The following ABCB5 variants were observed in gnomAD, a reference collection of about 807,000 sequenced individuals.
The protein encoded by ABCB5 is ATP-binding cassette sub-family B member 5.
Under a neutral mutation model 144.2 loss-of-function variants are expected in ABCB5, and 155 were observed. The observed-to-expected ratio is 1.08, with a 90% CI of 0.94 to 1.23. The LOEUF (loss-of-function observed/expected upper bound fraction) is 1.23, where lower values mean the gene tolerates loss of function less well. ABCB5 is among the 50% of genes most tolerant of loss of function. The probability of loss-of-function intolerance (pLI) is 0.00; values close to 1 mark genes in which losing one functional copy is unlikely to be tolerated. For synonymous variants in ABCB5, 610 were observed against 528.6 expected (o/e 1.15, Z -2.11); for missense variants, 1,830 against 1,520.8 (o/e 1.20, Z -3.38).
intron 14 of ABCB5, among the ~76,000 whole-genome samples, chr7:20,666,397 T>A (rs1021813175): frequency 6.6e-6 from 1 of 152,192 alleles, no homozygotes; most frequent in African/African-American, 2.4e-5. Context: ...TCTCAAATGC[T>A]TGAGGCTTTG....
chr7:20,703,316 A>G (rs920322215), intron 19 of ABCB5, among the ~76,000 whole-genome samples: 2 of 152,204 alleles, frequency 1.3e-5, no homozygotes, highest in African/African-American at 2.4e-5. Context: ...GCTGCTGTGT[A>G]TTCACAGTAT....
At chr7:20,705,316 T>C (rs1786785467) in intron 20 of ABCB5, among the ~76,000 whole-genome samples, 1 of 152,186 alleles carries the variant, frequency 6.6e-6, no homozygotes, top group African/African-American at 2.4e-5. Flanking sequence ...AACCAAGATA[T>C]TTGTATATAT....
intron 1 of ABCB5, among the ~76,000 whole-genome samples, chr7:20,616,745 T>C (rs1200182435): frequency 6.6e-6 from 1 of 152,136 alleles, no homozygotes; most frequent in Non-Finnish European, 1.5e-5. Flanking sequence ...CTTGACAAGT[T>C]TCAAGTTAAA....
rs1783967940 is a variant in ABCB5 at position 20,628,834 on chromosome 7, C to T, written c.255C>T (p.Asn85=). The change falls in exon 4 of 28, where the codon AAC becomes AAT. Residue 85 remains asparagine, a synonymous_variant. Transcript: ENST00000404938. ...TTAGTGGATGTCTAGTCCAAACTAA[C>T]ACAAGTGAGTATACGATTATTTTTC... ...NLISGCLVQT[N]TTNYQNCTQS... is the part of the protein sequence containing the mutation. The T allele has an allele frequency of 1.2e-6, 2 of 1,613,476 alleles. No homozygotes were observed. The highest frequency in any genetic ancestry group is 1.7e-6 in the Non-Finnish European group (2 of 1,179,730).
chr7:20,700,002 A>C, intron 18 of ABCB5, 56 bp from the exon 19 acceptor site: 1 of 1,598,370 alleles, frequency 6.3e-7, no homozygotes, highest in Non-Finnish European at 8.6e-7. Context: ...TTAAAAATAT[A>C]TCAACTAAAT....
intron 13 of ABCB5, among the ~76,000 whole-genome samples, chr7:20,651,877 A>T (rs1249099219): frequency 6.6e-6 from 1 of 151,998 alleles, no homozygotes; most frequent in Admixed American, 6.6e-5. Flanking sequence ...TGTTAATTTT[A>T]GTGTATTTAA....
rs768395006 is a variant in ABCB5 at position 20,651,520 on chromosome 7, T to G, written c.1433T>G (p.Ile478Ser). ...GAGCCTGTTTTGTTCGGGACCACCA[T>G]CAGTAACAATATCAAGTATGGACGA... ...SQEPVLFGTT[I>S]SNNIKYGRDD... is the part of the protein sequence containing the mutation. The change falls in exon 13 of 28, where the codon ATC becomes AGC. Residue 478 changes from isoleucine to serine, a missense_variant. Transcript: ENST00000404938. 1 of 1,614,094 alleles carries G rather than the reference T, an allele frequency of 6.2e-7. No homozygotes were observed. Among genetic ancestry groups the G allele is most frequent in the Non-Finnish European group, 8.5e-7 (1 of 1,180,014 alleles).
chr7:20,723,864 T>C (rs1245560405), intron 21 of ABCB5, among the ~76,000 whole-genome samples: 2 of 152,230 alleles, frequency 1.3e-5, no homozygotes, highest in East Asian at 3.8e-4. Flanking sequence ...GGACCATAAA[T>C]GACCAATTTA....
chr7:20,637,397 T>C (rs919163066), intron 5 of ABCB5, among the ~76,000 whole-genome samples: 1 of 151,862 alleles, frequency 6.6e-6, no homozygotes, highest in African/African-American at 2.4e-5. Flanking sequence ...CCTCCTCTTT[T>C]GCTGCCAAAA....
At chr7:20,699,315 G>A (rs527920988) in intron 17 of ABCB5, among the ~76,000 whole-genome samples, 3 of 152,098 alleles carry the variant, frequency 2.0e-5, no homozygotes, top group Non-Finnish European at 4.4e-5. Context: ...TTAAAAGCAA[G>A]TTATTTTTTA....
chr7:20,740,678 A>T (rs1782532808), intron 24 of ABCB5, among the ~76,000 whole-genome samples: 1 of 152,194 alleles, frequency 6.6e-6, no homozygotes, highest in Admixed American at 6.5e-5. Flanking sequence ...TATCTCACTG[A>T]TCTATGTCCT....
At chr7:20,640,908 A>T (rs894981445) in intron 5 of ABCB5, among the ~76,000 whole-genome samples, 1 of 152,146 alleles carries the variant, frequency 6.6e-6, no homozygotes, top group East Asian at 1.9e-4. Flanking sequence ...ATCCCAAGCA[A>T]CATCTTTGCA....
chr7:20,742,407 A>C (rs1583464620), intron 24 of ABCB5, among the ~76,000 whole-genome samples: 1 of 152,166 alleles, frequency 6.6e-6, no homozygotes, highest in East Asian at 1.9e-4. Context: ...TAAGAAAGAT[A>C]AATCAGAATT....
At chr7:20,685,145 T>C (rs574098174) in intron 15 of ABCB5, among the ~76,000 whole-genome samples, 2 of 152,322 alleles carry the variant, frequency 1.3e-5, no homozygotes, top group East Asian at 3.9e-4. Context: ...CGACTGCACC[T>C]GGTCTTTAAT....
intron 20 of ABCB5, among the ~76,000 whole-genome samples, chr7:20,715,611 G>C (rs552218905): frequency 6.6e-6 from 1 of 151,926 alleles, no homozygotes; most frequent in Non-Finnish European, 1.5e-5. Context: ...AGTCTTGCAT[G>C]GTTGCCTAGG....
rs1784895686 is a variant in ABCB5, at chr7:20,658,673, G to A, written c.1704G>A (p.Glu568=). The A allele has an allele frequency of 6.2e-7, 1 of 1,613,198 alleles. No individual in the cohort carries two copies. The highest frequency in any genetic ancestry group is 8.5e-7 in the Non-Finnish European group (1 of 1,179,748). The part of the protein sequence containing the change: ...ESKSAVQAAL[E]KASKGRTTIV... ...AGTCAGCTGTTCAAGCTGCACTGGA[G>A]AAGGTAAGTGAGCAGAAACGTTTCT... Residue 568 remains glutamate, a synonymous_variant, in exon 14 of 28, where the codon GAG becomes GAA. Coordinates refer to ENST00000404938, the MANE Select transcript of ABCB5 (RefSeq NM_001163941.2).
chr7:20,632,012 C>T (rs1478082046), intron 4 of ABCB5, 47 bp from the exon 5 acceptor site: 1 of 1,290,192 alleles, frequency 7.8e-7, no homozygotes, highest in Non-Finnish European at 1.1e-6. Flanking sequence ...ACAGTGTGAC[C>T]AATTATAAAT....
At position 20,711,778 on chromosome 7, in the gene ABCB5, C is replaced by CTCTTTCTTTCTTTCTTTTTT. The variant is rs1787049053; in HGVS notation, c.2421+6988_2421+6989insTTTTCTTTCTTTCTTTCTTT. On this transcript the variant is annotated intron_variant, in intron 20 of 27. Coordinates refer to ENST00000404938, the MANE Select transcript of ABCB5 (RefSeq NM_001163941.2). ...CCAGCCTGCCTGCCTTTCCTTCTTT[C>CTCTTTCTTTCTTTCTTTTTT]TCTTTCTTTCTTTCTTTCTTTCTTT... Among the ~76,000 whole-genome samples, 72 of 47,146 alleles carry CTCTTTCTTTCTTTCTTTTTT rather than the reference C, an allele frequency of 1.5e-3. 9 individuals carry two copies. Among genetic ancestry groups the CTCTTTCTTTCTTTCTTTTTT allele is most frequent in the Admixed American group, 3.4e-3 (13 of 3,800 alleles). 30.9% of individuals were successfully genotyped at this position (47,146 alleles called of 152,430 possible). A position where few individuals can be genotyped will look rare whatever the true frequency, so the allele number is the denominator to read the frequency against.
In ABCB5 at chr7:20,647,520, TG is replaced by T; in HGVS notation, c.982-14del. 1.3e-6 allele frequency: 2 copies of T among 1,534,980 alleles called. No homozygotes were observed. The highest frequency in any genetic ancestry group is 1.7e-6 in the Non-Finnish European group (2 of 1,144,270). On this transcript the variant is annotated splice_polypyrimidine_tract_variant and intron_variant, in intron 9 of 27. Transcript: ENST00000404938. ...AACTGCAGAAAGATAAATATCACTTTGTTTGTTCCTGTAGGTTTTCTTTAGT... is the reference window on the plus strand; with the variant it reads ...AACTGCAGAAAGATAAATATCACTTTTTTGTTCCTGTAGGTTTTCTTTAGT...
Sources: gnomAD v4.1 joint callset for allele counts (sites outside exome capture counted in the v4.1 genomes callset) on GRCh38, gnomAD v4.1.1 for gene constraint, MANE v1.5 for transcripts, NCBI Gene and HGNC (gene_info 2026-07-23, HGNC 2026-07-21) for gene names.